CDH23: variants seen among roughly 807,000 people sequenced by gnomAD.
CDH23 encodes the protein cadherin-23.
In CDH23, 189 loss-of-function variants were observed where a neutral mutation model predicts 317.1. That is an observed-to-expected ratio of 0.60 (90% CI 0.53 to 0.67). The LOEUF (loss-of-function observed/expected upper bound fraction) is 0.67. CDH23 is among the 30% of genes least tolerant of loss of function. The pLI, the probability that CDH23 is intolerant of heterozygous loss-of-function variation, is 0.00. For synonymous variants in CDH23, 1,839 were observed against 1,876.8 expected, an observed-to-expected ratio of 0.98 and a Z score of 0.52; for missense variants, 4,401 against 4,592.4, an observed-to-expected ratio of 0.96 and a Z score of 1.20.
At chr10:71,792,431 T>C (rs1841276236) in intron 47 of CDH23, among the ~76,000 whole-genome samples, 1 of 152,096 alleles carries the variant, frequency 6.6e-6, no homozygotes, top group Non-Finnish European at 1.5e-5. Flanking sequence ...AGAAAAGAAC[T>C]TAAGAGGAAA....
rs80321711 is a variant in CDH23 at position 71,472,451 on chromosome 10, C to T, written c.145+26056C>T. On this transcript the variant is annotated intron_variant, in intron 3 of 69. Coordinates refer to ENST00000224721, the MANE Select transcript of CDH23 (RefSeq NM_022124.6). ...TGACCGATTCCCCACGTTAAATCCC[C>T]TCTCTTCGCAGCTCTAACAGTGTCT... 2.2e-3 allele frequency among the ~76,000 whole-genome samples: 340 copies of T among 152,376 alleles called. 3 individuals are homozygous for T. Among genetic ancestry groups the T allele is most frequent in the African/African-American group, 7.7e-3 (321 of 41,592 alleles).
At chr10:71,505,907 G>A (rs1174995422) in intron 3 of CDH23, among the ~76,000 whole-genome samples, 1 of 152,200 alleles carries the variant, frequency 6.6e-6, no homozygotes. Flanking sequence ...ATTAAAAACA[G>A]ATGTTCAAAC....
chr10:71,682,982 C>G (rs2132683783), intron 18 of CDH23, among the ~76,000 whole-genome samples: 2 of 152,324 alleles, frequency 1.3e-5, no homozygotes, highest in Non-Finnish European at 2.9e-5. Flanking sequence ...CTCTCTCTCT[C>G]TCTATCCTGC....
intron 3 of CDH23, among the ~76,000 whole-genome samples, chr10:71,471,799 G>A (rs147549259): frequency 8.5e-5 from 13 of 152,078 alleles, no homozygotes; most frequent in East Asian, 5.8e-4. Flanking sequence ...ATCTCAAGCC[G>A]TCTCTCTTCC....
chr10:71,731,914 G>T, intron 31 of CDH23, 73 bp from the exon 32 acceptor site: 1 of 1,512,548 alleles, frequency 6.6e-7, no homozygotes, highest in Non-Finnish European at 8.9e-7. Context: ...TATGGGTGTG[G>T]CAGCTTGAGA....
rs1364395634 is a variant in CDH23, at chr10:71,403,438, TTCCTTCCTTCCTTCCTTTCCTTCCTTCC to T, written c.-6+6122_-6+6149del. On this transcript the variant is annotated intron_variant, in intron 1 of 69. Coordinates refer to ENST00000224721, the MANE Select transcript of CDH23 (RefSeq NM_022124.6). The stretch of plus-strand genomic sequence containing the variant: ...CTTCCTTCCTTCCTTCCTTCCTTCC[TTCCTTCCTTCCTTCCTTTCCTTCCTTCC>T]TTCCTTCCTTCCTTCCTTCCTTCCT... 1.3e-3 allele frequency among the ~76,000 whole-genome samples: 100 copies of T among 77,198 alleles called. 14 individuals carry two copies. Among genetic ancestry groups the T allele is most frequent in the African/African-American group, 7.9e-3 (91 of 11,478 alleles). The allele number at this position is 77,198 out of a possible 152,430, so 50.6% of individuals were successfully genotyped here.
At chr10:71,674,493 C>T (rs1003298823) in intron 14 of CDH23, among the ~76,000 whole-genome samples, 1 of 152,236 alleles carries the variant, frequency 6.6e-6, no homozygotes, top group African/African-American at 2.4e-5. Flanking sequence ...GCAGTTTGCC[C>T]AGCTCTGGGG....
At chr10:71,605,052 T>C (rs1040167133) in intron 9 of CDH23, among the ~76,000 whole-genome samples, 6 of 152,174 alleles carry the variant, frequency 3.9e-5, no homozygotes, top group Admixed American at 1.3e-4. Context: ...AGCACCAACT[T>C]GGAACACAAA....
At chr10:71,506,967 C>T (rs1853672598) in intron 3 of CDH23, among the ~76,000 whole-genome samples, 1 of 152,186 alleles carries the variant, frequency 6.6e-6, no homozygotes, top group Non-Finnish European at 1.5e-5. Context: ...CCCTGTCCTG[C>T]CCAGCGCCCC....
intron 30 of CDH23, 147 bp from the exon 31 acceptor site, chr10:71,730,322 C>A: frequency 1.1e-6 from 1 of 931,714 alleles, no homozygotes; most frequent in Non-Finnish European, 1.6e-6. Context: ...GTCACAGTGA[C>A]CCACCAGACA....
At chr10:71,560,135 C>T (rs1339883015) in intron 6 of CDH23, among the ~76,000 whole-genome samples, 1 of 152,188 alleles carries the variant, frequency 6.6e-6, no homozygotes, top group Non-Finnish European at 1.5e-5. Flanking sequence ...GCCACAAACC[C>T]CCATATTTGG....
chr10:71,738,558 T>A lies in CDH23; in HGVS notation c.4270T>A (p.Ser1424Thr), dbSNP rs1394948316. ...CCCCCGGTTTGACTTCACCTCCGACTCGGCGGTCAGCATACCCGAGGACTG... is the reference window on the plus strand; with the variant it reads ...CCCCCGGTTTGACTTCACCTCCGACACGGCGGTCAGCATACCCGAGGACTG... Reference protein sequence around the residue: ...NSPRFDFTSDSAVSIPEDCPV... With the variant: ...NSPRFDFTSDTAVSIPEDCPV... Residue 1424 changes from serine to threonine, a missense_variant, in exon 35 of 70, where the codon TCG (serine) becomes ACG (threonine). Around this residue, in one of 3 missense-constraint regions of CDH23, gnomAD observed 3,068 missense variants for 3,203.3 expected, o/e 0.96. Transcript: ENST00000224721. 3 of 1,613,854 alleles carry A rather than the reference T, an allele frequency of 1.9e-6. No homozygotes were observed. Among genetic ancestry groups the A allele is most frequent in the Non-Finnish European group, 2.5e-6 (3 of 1,179,906 alleles).
At chr10:71,481,714 C>T (rs191021166) in intron 3 of CDH23, among the ~76,000 whole-genome samples, 3 of 152,350 alleles carry the variant, frequency 2.0e-5, no homozygotes, top group Admixed American at 1.3e-4. Context: ...CTTCTTGGAT[C>T]AGTTTCTCCT....
intron 3 of CDH23, among the ~76,000 whole-genome samples, chr10:71,452,783 A>C (rs905853816): frequency 3.9e-5 from 6 of 152,186 alleles, no homozygotes; most frequent in Non-Finnish European, 5.9e-5. Context: ...AATGTGAGCT[A>C]TGGTTTGTTG....
At chr10:71,457,944 T>C (rs1415324156) in intron 3 of CDH23, among the ~76,000 whole-genome samples, 5 of 152,140 alleles carry the variant, frequency 3.3e-5, no homozygotes, top group African/African-American at 1.2e-4. Flanking sequence ...GGCACCCCCT[T>C]TGCAGGGGTG....
At chr10:71,420,535 GATGATGATGGTGAT>G (rs1185587307) in intron 1 of CDH23, among the ~76,000 whole-genome samples, 3 of 33,374 alleles carry the variant, frequency 9.0e-5, no homozygotes, top group Non-Finnish European at 1.5e-4. Context: ...TGATGATGAT[GATGATGATGGTGAT>G]ATGATGATGG....
intron 14 of CDH23, among the ~76,000 whole-genome samples, chr10:71,667,796 G>A (rs138885464): frequency 2.6e-5 from 4 of 152,234 alleles, no homozygotes; most frequent in East Asian, 1.9e-4. Context: ...TTGGAATAGC[G>A]GGTCCCCAGA....
chr10:71,610,380 A>G (rs1190863730), intron 9 of CDH23, among the ~76,000 whole-genome samples: 1 of 152,182 alleles, frequency 6.6e-6, no homozygotes, highest in Non-Finnish European at 1.5e-5. Context: ...TATTTGCCTC[A>G]TCCTATTTCC....
chr10:71,787,151 G>A (rs1434764939), intron 44 of CDH23, among the ~76,000 whole-genome samples: 1 of 152,146 alleles, frequency 6.6e-6, no homozygotes, highest in Admixed American at 6.5e-5. Context: ...CGCCTGAAGT[G>A]AGATGGAACA....
Sources: gnomAD v4.1 joint callset for allele counts (sites outside exome capture counted in the v4.1 genomes callset) on GRCh38, gnomAD v4.1.1 for gene constraint, gnomAD v4.1.1 regional missense constraint, MANE v1.5 for transcripts, NCBI Gene and HGNC (gene_info 2026-07-23, HGNC 2026-07-21) for gene names.